The following SLC25A21 variants were observed in gnomAD, a reference collection of about 807,000 sequenced individuals.
SLC25A21 encodes mitochondrial 2-oxodicarboxylate carrier.
SLC25A21 carries 47 observed loss-of-function variants against 43.8 expected under a neutral mutation model. That is an observed-to-expected ratio of 1.07 (90% confidence interval 0.85 to 1.37). The LOEUF (loss-of-function observed/expected upper bound fraction) is 1.37, where lower values mean the gene tolerates loss of function less well. SLC25A21 is among the 40% of genes most tolerant of loss of function. SLC25A21 has a pLI of 0.00. For synonymous variants in SLC25A21, 131 were observed against 121.3 expected (o/e 1.08, Z -0.52); for missense variants, 352 against 350.2 (o/e 1.00, Z -0.04).
intron 1 of SLC25A21, among the ~76,000 whole-genome samples, chr14:37,133,476 G>A (rs189279057): frequency 6.6e-5 from 10 of 151,496 alleles, no homozygotes; most frequent in Non-Finnish European, 1.3e-4. Context: ...CACTGCCACT[G>A]CCCTAACTTA....
chr14:37,087,291 A>C (rs1962503731), intron 1 of SLC25A21, among the ~76,000 whole-genome samples: 1 of 152,212 alleles, frequency 6.6e-6, no homozygotes, highest in Non-Finnish European at 1.5e-5. Context: ...GAATAAAATA[A>C]GAATAAATCA....
rs144285902 is a variant in SLC25A21, at chr14:36,969,982, C to G, written c.71-94978G>C. On this transcript the variant is annotated intron_variant, in intron 1 of 9. Transcript: ENST00000331299. ...AGGCTCCAGATTCCATTGTCTCTGA[C>G]TATCTTAAACAAAGACCCAGATAAA... Among the ~76,000 whole-genome samples the G allele has an allele frequency of 2.6e-5, 4 of 152,234 alleles. No individual in the cohort carries two copies. The East Asian group carries it at 7.7e-4, about 29-fold the overall frequency.
chr14:36,930,509 C>T (rs548661373), intron 1 of SLC25A21, among the ~76,000 whole-genome samples: 11 of 152,182 alleles, frequency 7.2e-5, no homozygotes, highest in Non-Finnish European at 1.6e-4. Flanking sequence ...TCCTCTTCAT[C>T]CACATTGCCC....
Position 37,043,588 on chromosome 14 carries a change from T to C in SLC25A21, c.70+128693A>G, listed in dbSNP as rs11622219. 5.6e-3 allele frequency among the ~76,000 whole-genome samples: 852 copies of C among 152,304 alleles called. 7 individuals are homozygous for C. Among genetic ancestry groups the C allele is most frequent in the African/African-American group, 0.015 (611 of 41,562 alleles). On this transcript the variant is annotated intron_variant, in intron 1 of 9. Transcript: ENST00000331299. ...TTTTATGGCTCTTTTTGGGCTACCATCTTGCAGGAAGCTTGCCCTAGTCTC... is the reference window on the plus strand; with the variant it reads ...TTTTATGGCTCTTTTTGGGCTACCACCTTGCAGGAAGCTTGCCCTAGTCTC...
intron 1 of SLC25A21, among the ~76,000 whole-genome samples, chr14:37,045,448 A>T (rs1041976390): frequency 3.9e-5 from 6 of 152,212 alleles, no homozygotes; most frequent in African/African-American, 1.4e-4. Flanking sequence ...GGGAAAAAAA[A>T]CTTCACTAAT....
chr14:37,122,972 A>T (rs1963235626), intron 1 of SLC25A21, among the ~76,000 whole-genome samples: 1 of 152,224 alleles, frequency 6.6e-6, no homozygotes, highest in Non-Finnish European at 1.5e-5. Flanking sequence ...AAAATCCAAT[A>T]TCAAATAGAT....
chr14:37,069,946 G>A (rs73260317), intron 1 of SLC25A21, among the ~76,000 whole-genome samples: 6,814 of 152,150 alleles, frequency 0.045, 500 homozygotes, highest in African/African-American at 0.15. Flanking sequence ...TTCAACACAC[G>A]CACATTACTG....
intron 2 of SLC25A21, among the ~76,000 whole-genome samples, chr14:36,835,864 T>G (rs1889191599): frequency 6.6e-6 from 1 of 152,232 alleles, no homozygotes; most frequent in African/African-American, 2.4e-5. Flanking sequence ...GATCCTTTCC[T>G]GTGGGGTGGA....
At chr14:36,945,762 C>A (rs1240608580) in intron 1 of SLC25A21, among the ~76,000 whole-genome samples, 1 of 152,024 alleles carries the variant, frequency 6.6e-6, no homozygotes, top group Non-Finnish European at 1.5e-5. Context: ...TTCAATTTTG[C>A]AACAGGAAAA....
At chr14:36,736,976 A>C (rs1885067811) in intron 3 of SLC25A21, among the ~76,000 whole-genome samples, 1 of 152,192 alleles carries the variant, frequency 6.6e-6, no homozygotes, top group Non-Finnish European at 1.5e-5. Flanking sequence ...TCTCCTGAAA[A>C]GTGGTGAGTT....
At chr14:36,810,910 GA>G (rs368992719) in intron 3 of SLC25A21, among the ~76,000 whole-genome samples, 40 of 95,182 alleles carry the variant, frequency 4.2e-4, no homozygotes, top group Admixed American at 1.1e-3. Context: ...TTCAGCATAT[GA>G]TAGAGAAAAG....
In SLC25A21 at chr14:37,062,468, T is replaced by TA. The variant is rs397852951; in HGVS notation, c.70+109812dup. ...TATATTCGCAAAATAATTTTTTTTT[T>TA]AAAAAAAGAACTCTCTATTTAATCC... On this transcript the variant is annotated intron_variant, in intron 1 of 9. Coordinates refer to ENST00000331299, the MANE Select transcript of SLC25A21 (RefSeq NM_030631.4). 1.9e-3 allele frequency among the ~76,000 whole-genome samples: 294 copies of TA among 152,106 alleles called. 1 individual carries two copies. The highest frequency in any genetic ancestry group is 6.6e-3 in the African/African-American group (272 of 41,470).
intron 1 of SLC25A21, among the ~76,000 whole-genome samples, chr14:36,974,984 C>T (rs1594730385): frequency 1.3e-5 from 2 of 152,150 alleles, no homozygotes; most frequent in South Asian, 4.1e-4. Flanking sequence ...TGGTGATGAA[C>T]AAGAGGATGA....
intron 1 of SLC25A21, among the ~76,000 whole-genome samples, chr14:37,095,818 GCACACA>G (rs3061856): frequency 7.2e-6 from 1 of 139,572 alleles, no homozygotes; most frequent in African/African-American, 2.7e-5. Context: ...ACACGCGCAC[GCACACA>G]CACACACACA....
chr14:37,084,584 C>A (rs916179249), intron 1 of SLC25A21, among the ~76,000 whole-genome samples: 2 of 152,102 alleles, frequency 1.3e-5, no homozygotes, highest in Non-Finnish European at 2.9e-5. Flanking sequence ...GTTATTTGTC[C>A]TTCCATAAAC....
intron 1 of SLC25A21, among the ~76,000 whole-genome samples, chr14:37,013,381 C>T (rs1566814687): frequency 6.6e-6 from 1 of 152,120 alleles, no homozygotes; most frequent in East Asian, 1.9e-4. Flanking sequence ...TTTGCTATGA[C>T]TATTGTAGCA....
intron 1 of SLC25A21, among the ~76,000 whole-genome samples, chr14:37,043,742 GT>G (rs1961524056): frequency 6.6e-6 from 1 of 151,304 alleles, no homozygotes; most frequent in Non-Finnish European, 1.5e-5. Flanking sequence ...TTCTTTTTTT[GT>G]TTTGTTTTTA....
In SLC25A21 at chr14:37,149,552, G is replaced by A. The variant is rs148705135; in HGVS notation, c.70+22729C>T. On this transcript the variant is annotated intron_variant, in intron 1 of 9. Transcript: ENST00000331299. Reference sequence around the variant, plus strand: ...TCTACTAAAAATACAAAAATTAGCTGGGCATGGTGGTGGGCGCCTGTAGTC... The same window carrying A: ...TCTACTAAAAATACAAAAATTAGCTAGGCATGGTGGTGGGCGCCTGTAGTC... Among the ~76,000 whole-genome samples, 955 of 152,088 alleles carry A rather than the reference G, an allele frequency of 6.3e-3. 9 individuals are homozygous for A. Among genetic ancestry groups the A allele is most frequent in the African/African-American group, 0.02 (824 of 41,500 alleles).
chr14:36,715,324 T>C (rs1246880738), intron 6 of SLC25A21, among the ~76,000 whole-genome samples: 1 of 152,224 alleles, frequency 6.6e-6, no homozygotes, highest in East Asian at 1.9e-4. Flanking sequence ...AGGCAAAACA[T>C]GACTTCCACT....
Sources: allele counts gnomAD v4.1 joint callset (sites outside exome capture counted in the v4.1 genomes callset), GRCh38; gene constraint gnomAD v4.1.1; transcripts MANE v1.5; gene names NCBI Gene and HGNC (gene_info 2026-07-23, HGNC 2026-07-21).